Variants in UNC13C observed in about 807,000 individuals in gnomAD.
UNC13C encodes protein unc-13 homolog C.
A neutral mutation model predicts 245.4 loss-of-function variants in UNC13C; 174 were observed. The observed-to-expected ratio is 0.71, with a 90% CI of 0.63 to 0.80. UNC13C has a LOEUF of 0.80. UNC13C is among the 30% of genes least tolerant of loss of function. The pLI is 0.00. For missense variants in UNC13C, 2,829 were observed against 2,602.9 expected (o/e 1.09, Z -1.89); for synonymous variants, 992 against 895.1 (o/e 1.11, Z -1.93).
At chr15:53,905,255 A>G in the UNC13C span, among the ~76,000 whole-genome samples, 1 of 152,138 alleles carries the variant, frequency 6.6e-6, no homozygotes, top group Non-Finnish European at 1.5e-5. Context: ...CTCTACTCTC[A>G]TGTTCATTGC....
At chr15:54,584,467 CA>C (rs1181549545) in intron 30 of UNC13C, among the ~76,000 whole-genome samples, 1 of 152,116 alleles carries the variant, frequency 6.6e-6, no homozygotes, top group Non-Finnish European at 1.5e-5. Context: ...ACCTCCAGTG[CA>C]GAACAAATTA....
chr15:54,631,502 G>A (rs1026431081), downstream of UNC13C: 2 of 152,086 alleles, frequency 1.3e-5, no homozygotes, highest in Admixed American at 1.3e-4. Flanking sequence ...CCACTTTATA[G>A]ACAAACACTT....
chr15:53,946,442 CTTTTTTTTGTT>C, the UNC13C span, among the ~76,000 whole-genome samples: 1 of 68,950 alleles, frequency 1.5e-5, no homozygotes, highest in Non-Finnish European at 3.2e-5. Context: ...CTGAGGTGTT[CTTTTTTTTGTT>C]TTTTTTTTTT....
chr15:53,862,687 C>T, the UNC13C span, among the ~76,000 whole-genome samples: 1 of 152,124 alleles, frequency 6.6e-6, no homozygotes, highest in African/African-American at 2.4e-5. Flanking sequence ...CTGGTTGCTA[C>T]TAGAAACCTG....
At chr15:54,243,649 A>G (rs2035919106) in intron 7 of UNC13C, among the ~76,000 whole-genome samples, 1 of 151,904 alleles carries the variant, frequency 6.6e-6, no homozygotes, top group Admixed American at 6.6e-5. Context: ...TTGTTTTTTG[A>G]CTTTTTGATA....
intron 2 of UNC13C, among the ~76,000 whole-genome samples, chr15:54,078,158 G>A (rs571126947): frequency 6.6e-6 from 1 of 152,284 alleles, no homozygotes; most frequent in East Asian, 1.9e-4. Flanking sequence ...AATGAAGCTG[G>A]AGGCTATACA....
At chr15:54,112,854 T>A (rs1383777726) in intron 2 of UNC13C, among the ~76,000 whole-genome samples, 2 of 152,202 alleles carry the variant, frequency 1.3e-5, no homozygotes, top group African/African-American at 4.8e-5. Flanking sequence ...GTACTACCCC[T>A]AAACATTGCT....
intron 19 of UNC13C, among the ~76,000 whole-genome samples, chr15:54,454,569 G>GA (rs77289011): frequency 0.46 from 21,107 of 46,210 alleles, 1,525 homozygotes; most frequent in Non-Finnish European, 0.5. Context: ...CAATAGTGGG[G>GA]GAAAAAAAAA....
intron 30 of UNC13C, among the ~76,000 whole-genome samples, chr15:54,579,494 C>T (rs936069927): frequency 6.6e-6 from 1 of 152,130 alleles, no homozygotes; most frequent in African/African-American, 2.4e-5. Context: ...CATGGTGGCT[C>T]ATGCCTGTAA....
chr15:53,968,724 A>G, the UNC13C span, among the ~76,000 whole-genome samples: 2 of 152,308 alleles, frequency 1.3e-5, no homozygotes, highest in Middle Eastern at 3.4e-3. Context: ...TAAATTTCTT[A>G]TCTCTTTGAG....
chr15:54,226,932 G>A (rs1016103910), intron 4 of UNC13C, among the ~76,000 whole-genome samples: 1 of 152,132 alleles, frequency 6.6e-6, no homozygotes, highest in Admixed American at 6.5e-5. Context: ...GAGGGCAGCA[G>A]CTCTTCTCCT....
At chr15:54,100,630 C>T (rs759243217) in intron 2 of UNC13C, among the ~76,000 whole-genome samples, 5 of 151,918 alleles carry the variant, frequency 3.3e-5, no homozygotes, top group East Asian at 1.9e-4. Context: ...GAGCTTAGTA[C>T]GTCTATATCC....
chr15:54,539,380 A>C (rs1896138508), intron 26 of UNC13C, among the ~76,000 whole-genome samples: 1 of 151,930 alleles, frequency 6.6e-6, no homozygotes, highest in Non-Finnish European at 1.5e-5. Context: ...AGGAGAGAGG[A>C]AAGGGAAGAA....
intron 24 of UNC13C, among the ~76,000 whole-genome samples, chr15:54,525,154 A>C (rs1895390399): frequency 6.6e-6 from 1 of 152,218 alleles, no homozygotes; most frequent in Non-Finnish European, 1.5e-5. Context: ...ATTTATTTAC[A>C]GGGATATTAA....
At chr15:54,250,185 T>C in intron 7 of UNC13C, 40 bp from the exon 8 acceptor site, 1 of 1,571,462 alleles carries the variant, frequency 6.4e-7, no homozygotes, top group Non-Finnish European at 8.8e-7. Flanking sequence ...TCAAATCCAC[T>C]GACTTGGCGG....
intron 1 of UNC13C, among the ~76,000 whole-genome samples, chr15:54,000,210 C>T (rs1463010474): frequency 6.6e-6 from 1 of 152,002 alleles, no homozygotes; most frequent in Non-Finnish European, 1.5e-5. Flanking sequence ...ATAAAGATAT[C>T]AGAGTCAAGA....
the UNC13C span, among the ~76,000 whole-genome samples, chr15:53,915,755 G>A: frequency 6.6e-6 from 1 of 152,196 alleles, no homozygotes; most frequent in Non-Finnish European, 1.5e-5. Context: ...AACCAAAGTT[G>A]TTGCATTGTA....
intron 26 of UNC13C, among the ~76,000 whole-genome samples, chr15:54,538,089 G>T (rs1228087634): frequency 8.2e-6 from 1 of 122,232 alleles, no homozygotes; most frequent in Non-Finnish European, 1.6e-5. Flanking sequence ...TCTGACAATG[G>T]TCTAATATCC....
the UNC13C span, among the ~76,000 whole-genome samples, chr15:53,844,697 A>G: frequency 6.6e-6 from 1 of 152,122 alleles, no homozygotes; most frequent in Non-Finnish European, 1.5e-5. Context: ...AGTTTTCTCA[A>G]GTAGAAGGAA....
Sources: allele counts gnomAD v4.1 joint callset (sites outside exome capture counted in the v4.1 genomes callset), GRCh38; gene constraint gnomAD v4.1.1; transcripts MANE v1.5; gene names NCBI Gene and HGNC (gene_info 2026-07-23, HGNC 2026-07-21).